Variants in CD109 observed in about 807,000 individuals in gnomAD.
CD109 encodes CD109 molecule.
A neutral mutation model predicts 165.8 loss-of-function variants in CD109; 149 were observed. That is an observed-to-expected ratio of 0.90 (90% confidence interval 0.79 to 1.03). The LOEUF (loss-of-function observed/expected upper bound fraction) is 1.03, where lower values mean the gene tolerates loss of function less well. CD109 is among the 50% of genes least tolerant of loss of function. The probability of loss-of-function intolerance (pLI) is 0.00; values close to 1 mark genes in which losing one functional copy is unlikely to be tolerated. For synonymous variants in CD109, 585 were observed against 592.1 expected (o/e 0.99, Z 0.18); for missense variants, 1,712 against 1,677.8 (o/e 1.02, Z -0.36).
Position 73,791,160 on chromosome 6 carries a change from TATATATATATATATATAC to T in CD109, c.2702-1464_2702-1447del, listed in dbSNP as rs1221167985. Among the ~76,000 whole-genome samples, 35 of 33,410 alleles carry T rather than the reference TATATATATATATATATAC, an allele frequency of 1.0e-3. No individual in the cohort carries two copies. In the East Asian group the frequency reaches 0.02, roughly 19 times the overall value. 21.9% of individuals were successfully genotyped at this position (33,410 alleles called of 152,430 possible). On this transcript the variant is annotated intron_variant, in intron 22 of 32. Coordinates refer to ENST00000287097, the MANE Select transcript of CD109 (RefSeq NM_133493.5). ...ACATATATATATATATATATATATA[TATATATATATATATATAC>T]ACACACACACATACATATATATATA...
At chr6:73,780,741 A>C (rs893575386) in intron 16 of CD109, among the ~76,000 whole-genome samples, 1 of 54,568 alleles carries the variant, frequency 1.8e-5, no homozygotes, top group African/African-American at 9.0e-5. Context: ...TCCTTTATGT[A>C]TATGTATTTC....
intron 1 of CD109, among the ~76,000 whole-genome samples, chr6:73,696,798 C>T (rs995575081): frequency 7.9e-5 from 12 of 152,160 alleles, no homozygotes; most frequent in Admixed American, 5.9e-4. Flanking sequence ...TGAGCCCTAA[C>T]CCCTAGTTAT....
chr6:73,706,053 A>T (rs1296880867), intron 2 of CD109, among the ~76,000 whole-genome samples: 1 of 152,164 alleles, frequency 6.6e-6, no homozygotes, highest in Non-Finnish European at 1.5e-5. Context: ...GATTATCCTT[A>T]AAAAACCCTC....
chr6:73,690,282 A>T, the CD109 span, among the ~76,000 whole-genome samples: 1 of 152,216 alleles, frequency 6.6e-6, no homozygotes, highest in African/African-American at 2.4e-5. Context: ...GTTGCTAAAT[A>T]TGTCTTCCTA....
At chr6:73,737,242 G>A (rs1210530891) in intron 5 of CD109, among the ~76,000 whole-genome samples, 2 of 152,108 alleles carry the variant, frequency 1.3e-5, no homozygotes, top group East Asian at 3.8e-4. Flanking sequence ...GTATCTAAAG[G>A]GGAAGATATG....
At chr6:73,798,794 T>A (rs1775260234) in intron 23 of CD109, among the ~76,000 whole-genome samples, 1 of 152,168 alleles carries the variant, frequency 6.6e-6, no homozygotes, top group South Asian at 2.1e-4. Flanking sequence ...CTCATCTCCA[T>A]GATCTCATCT....
At chr6:73,814,936 A>G in intron 29 of CD109, 45 bp from the exon 30 acceptor site, 1 of 1,407,992 alleles carries the variant, frequency 7.1e-7, no homozygotes, top group Non-Finnish European at 9.3e-7. Flanking sequence ...AAAATGATGG[A>G]AATTTATGTC....
chr6:73,734,084 C>T (rs773656949), intron 4 of CD109, among the ~76,000 whole-genome samples: 5 of 152,196 alleles, frequency 3.3e-5, no homozygotes, highest in South Asian at 2.1e-4. Flanking sequence ...TGCTGGGCTC[C>T]GCTGTGACAT....
intron 1 of CD109, among the ~76,000 whole-genome samples, chr6:73,697,018 T>C (rs1770866067): frequency 6.6e-6 from 1 of 152,038 alleles, no homozygotes. Flanking sequence ...AACAAGAAAA[T>C]AATCACGCTG....
chr6:73,789,620 AT>A (rs58908406), intron 22 of CD109, among the ~76,000 whole-genome samples: 57,041 of 147,732 alleles, frequency 0.39, 10,996 homozygotes, highest in African/African-American at 0.46. Context: ...TGCCTGGCTA[AT>A]TTTTTTTTTT....
At chr6:73,702,070 ATCT>A (rs1417838118) in intron 2 of CD109, among the ~76,000 whole-genome samples, 1 of 152,138 alleles carries the variant, frequency 6.6e-6, no homozygotes, top group African/African-American at 2.4e-5. Context: ...TCCTACTTCC[ATCT>A]TCCCATTGAG....
chr6:73,709,855 A>G (rs1270675675), intron 2 of CD109, among the ~76,000 whole-genome samples: 3 of 152,150 alleles, frequency 2.0e-5, no homozygotes, highest in Admixed American at 2.0e-4. Flanking sequence ...TGATTATCTC[A>G]ACAGATGCAG....
chr6:73,717,611 CTTTTTTT>C (rs779915655), intron 2 of CD109, among the ~76,000 whole-genome samples: 23 of 74,812 alleles, frequency 3.1e-4, no homozygotes, highest in Non-Finnish European at 5.3e-4. Flanking sequence ...TCTACTGATT[CTTTTTTT>C]TTTTTTTTTT....
At chr6:73,802,695 C>CTTT (rs572988991) in intron 23 of CD109, among the ~76,000 whole-genome samples, 1 of 127,964 alleles carries the variant, frequency 7.8e-6, no homozygotes, top group African/African-American at 2.9e-5. Context: ...ATATCACAGG[C>CTTT]TTTTTTTTTT....
intron 25 of CD109, 127 bp from the exon 26 acceptor site, chr6:73,807,956 G>T: frequency 1.4e-6 from 1 of 715,254 alleles, no homozygotes; most frequent in Non-Finnish European, 2.3e-6. Context: ...TCATTGCCTA[G>T]TACAAGGTCA....
chr6:73,681,762 C>A, the CD109 span, among the ~76,000 whole-genome samples: 1 of 152,064 alleles, frequency 6.6e-6, no homozygotes, highest in Admixed American at 6.6e-5. Flanking sequence ...ACCACCACAC[C>A]TGGCTAATTT....
the CD109 span, among the ~76,000 whole-genome samples, chr6:73,682,641 C>T: frequency 6.6e-6 from 1 of 152,252 alleles, no homozygotes; most frequent in Non-Finnish European, 1.5e-5. Context: ...AGTAGGGAAT[C>T]TGTGTGGGGG....
chr6:73,742,654 C>A (rs764933623), intron 5 of CD109, among the ~76,000 whole-genome samples: 4 of 152,196 alleles, frequency 2.6e-5, no homozygotes, highest in Non-Finnish European at 5.9e-5. Flanking sequence ...CATTTGATGA[C>A]GGCAGCCCTG....
intron 2 of CD109, among the ~76,000 whole-genome samples, chr6:73,700,413 A>G (rs1771021762): frequency 6.6e-6 from 1 of 151,992 alleles, no homozygotes; most frequent in East Asian, 1.9e-4. Context: ...CAGCCCCCCA[A>G]CAGAAGGTTG....
Sources: gnomAD v4.1 joint callset for allele counts (sites outside exome capture counted in the v4.1 genomes callset) on GRCh38, gnomAD v4.1.1 for gene constraint, MANE v1.5 for transcripts, NCBI Gene and HGNC (gene_info 2026-07-23, HGNC 2026-07-21) for gene names.